The following RPS6KC1 variants were observed in gnomAD, a reference collection of about 807,000 sequenced individuals.
The protein encoded by RPS6KC1 is ribosomal protein S6 kinase C1, also known as inactive ribosomal protein S6 kinase delta-1.
In RPS6KC1, 54 loss-of-function variants were observed where a neutral mutation model predicts 103.8. The observed-to-expected ratio is 0.52, with a 90% CI of 0.42 to 0.65. The LOEUF (loss-of-function observed/expected upper bound fraction) is 0.65, where lower values mean the gene tolerates loss of function less well. Among genes scored for constraint, RPS6KC1 ranks in the 30% least tolerant of loss-of-function variants. The pLI is 0.00. For missense variants in RPS6KC1, 1,151 were observed against 1,253.8 expected, an observed-to-expected ratio of 0.92 and a Z score of 1.24; for synonymous variants, 439 against 438.7, an observed-to-expected ratio of 1.00 and a Z score of -0.01.
the RPS6KC1 span, among the ~76,000 whole-genome samples, chr1:213,509,360 A>T: frequency 6.6e-6 from 1 of 151,936 alleles, no homozygotes; most frequent in Non-Finnish European, 1.5e-5. Flanking sequence ...TTCTTCTAAG[A>T]ATTAGAATCC....
At chr1:213,239,122 A>G (rs143488816) in intron 10 of RPS6KC1, among the ~76,000 whole-genome samples, 18 of 152,284 alleles carry the variant, frequency 1.2e-4, no homozygotes, top group African/African-American at 4.3e-4. Context: ...AAATGAGAGG[A>G]AAAAGTTAAA....
chr1:213,694,738 G>T, the RPS6KC1 span, among the ~76,000 whole-genome samples: 1 of 152,184 alleles, frequency 6.6e-6, no homozygotes, highest in African/African-American at 2.4e-5. Context: ...ATACTAATTT[G>T]GTTTTGTTAG....
At chr1:213,741,780 G>T in the RPS6KC1 span, among the ~76,000 whole-genome samples, 3 of 152,070 alleles carry the variant, frequency 2.0e-5, no homozygotes, top group Non-Finnish European at 4.4e-5. Flanking sequence ...TGCAGATGGT[G>T]TCTCTGAGGG....
At chr1:213,586,570 T>C in the RPS6KC1 span, among the ~76,000 whole-genome samples, 5 of 152,258 alleles carry the variant, frequency 3.3e-5, no homozygotes, top group African/African-American at 1.2e-4. Context: ...TTTTAGCTGA[T>C]ACTTTACATT....
chr1:213,162,343 C>A (rs1450562439), intron 6 of RPS6KC1, among the ~76,000 whole-genome samples: 1 of 152,078 alleles, frequency 6.6e-6, no homozygotes, highest in African/African-American at 2.4e-5. Flanking sequence ...TGCAGTGGTG[C>A]CATCACAGCT....
the RPS6KC1 span, among the ~76,000 whole-genome samples, chr1:213,296,379 C>A: frequency 6.6e-6 from 1 of 152,146 alleles, no homozygotes; most frequent in African/African-American, 2.4e-5. Flanking sequence ...TTAGGTGGTA[C>A]TTCAATGCAA....
chr1:213,752,486 A>G, the RPS6KC1 span, among the ~76,000 whole-genome samples: 2 of 152,322 alleles, frequency 1.3e-5, no homozygotes, highest in South Asian at 4.1e-4. Context: ...ACATGTAGGT[A>G]CTGGTTGATG....
the RPS6KC1 span, among the ~76,000 whole-genome samples, chr1:213,478,744 A>G: frequency 2.6e-5 from 4 of 152,136 alleles, no homozygotes; most frequent in African/African-American, 4.8e-5. Context: ...ATTTTAGAAG[A>G]CAATCTTTTA....
chr1:213,455,644 A>G, the RPS6KC1 span, among the ~76,000 whole-genome samples: 1 of 152,170 alleles, frequency 6.6e-6, no homozygotes, highest in Non-Finnish European at 1.5e-5. Context: ...GATTATGCAG[A>G]GAGAGTATAG....
At chr1:213,088,906 C>CA (rs1016744370) in intron 3 of RPS6KC1, among the ~76,000 whole-genome samples, 1 of 152,194 alleles carries the variant, frequency 6.6e-6, no homozygotes, top group Non-Finnish European at 1.5e-5. Flanking sequence ...TTTTACATTT[C>CA]ACGCCTACTT....
the RPS6KC1 span, among the ~76,000 whole-genome samples, chr1:213,638,850 T>C: frequency 1.3e-5 from 2 of 152,244 alleles, no homozygotes; most frequent in East Asian, 1.9e-4. Context: ...TTTTCATTTC[T>C]GTGTGTGTTT....
chr1:213,716,139 A>G, the RPS6KC1 span, among the ~76,000 whole-genome samples: 3 of 152,352 alleles, frequency 2.0e-5, 1 homozygote, highest in East Asian at 3.9e-4. Context: ...CTATAATATA[A>G]AAGTCTATTC....
At chr1:213,414,656 AATTTCC>A in the RPS6KC1 span, among the ~76,000 whole-genome samples, 1 of 152,172 alleles carries the variant, frequency 6.6e-6, no homozygotes, top group South Asian at 2.1e-4. Context: ...TGAGAGAATA[AATTTCC>A]ATTGTTTCAG....
chr1:213,141,477 A>T (rs948671107), intron 6 of RPS6KC1, among the ~76,000 whole-genome samples: 4 of 151,746 alleles, frequency 2.6e-5, no homozygotes, highest in African/African-American at 9.7e-5. Context: ...GTCAGTAGTA[A>T]TGTCCTTTTG....
chr1:213,627,670 A>G, the RPS6KC1 span, among the ~76,000 whole-genome samples: 2 of 152,216 alleles, frequency 1.3e-5, no homozygotes, highest in Admixed American at 6.5e-5. Context: ...TTCTGCATCT[A>G]TTGAGATAAT....
At chr1:213,121,787 G>A (rs1021642639) in intron 5 of RPS6KC1, among the ~76,000 whole-genome samples, 1 of 152,050 alleles carries the variant, frequency 6.6e-6, no homozygotes, top group African/African-American at 2.4e-5. Flanking sequence ...ATTTTTTCTG[G>A]TTCATGCAGC....
the RPS6KC1 span, among the ~76,000 whole-genome samples, chr1:213,718,845 T>A: frequency 6.6e-6 from 1 of 152,310 alleles, no homozygotes; most frequent in East Asian, 1.9e-4. Flanking sequence ...AGTTCTGGGG[T>A]GGGACCTGAG....
intron 4 of RPS6KC1, among the ~76,000 whole-genome samples, chr1:213,106,572 TG>T (rs972990303): frequency 1.6e-4 from 24 of 152,308 alleles, no homozygotes; most frequent in African/African-American, 5.3e-4. Flanking sequence ...ATGAAGGCTG[TG>T]GGGAAGGTTT....
intron 2 of RPS6KC1, among the ~76,000 whole-genome samples, chr1:213,076,784 A>G (rs1401654429): frequency 6.6e-6 from 1 of 152,078 alleles, no homozygotes; most frequent in Non-Finnish European, 1.5e-5. Context: ...CAGACATCTT[A>G]TTACTAGTGT....
Sources: allele counts gnomAD v4.1 joint callset (sites outside exome capture counted in the v4.1 genomes callset), GRCh38; gene constraint gnomAD v4.1.1; transcripts MANE v1.5; gene names NCBI Gene and HGNC (gene_info 2026-07-23, HGNC 2026-07-21).